The following MTUS2 variants were observed in gnomAD, a reference collection of about 807,000 sequenced individuals.
MTUS2 encodes the protein microtubule-associated tumor suppressor candidate 2.
A neutral mutation model predicts 114.1 loss-of-function variants in MTUS2; 40 were observed. That is an observed-to-expected ratio of 0.35 (90% CI 0.27 to 0.46). The LOEUF (loss-of-function observed/expected upper bound fraction) is 0.46, where lower values mean the gene tolerates loss of function less well. MTUS2 is among the 20% of genes least tolerant of loss of function. MTUS2 has a pLI of 1.00. For missense variants in MTUS2, 1,679 were observed against 1,705.4 expected (o/e 0.98, Z 0.27); for synonymous variants, 688 against 672.0 (o/e 1.02, Z -0.37).
chr13:29,446,136 A>T (rs1156255509), intron 9 of MTUS2, among the ~76,000 whole-genome samples: 1 of 152,298 alleles, frequency 6.6e-6, no homozygotes, highest in African/African-American at 2.4e-5. Context: ...AGGTAATCCT[A>T]CCACTCGAAA....
At chr13:29,093,685 A>T (rs950103725) in intron 4 of MTUS2, among the ~76,000 whole-genome samples, 1 of 152,202 alleles carries the variant, frequency 6.6e-6, no homozygotes, top group African/African-American at 2.4e-5. Context: ...TATATATAAG[A>T]TCATGTCATC....
intron 2 of MTUS2, among the ~76,000 whole-genome samples, chr13:28,937,469 C>T (rs1566236318): frequency 6.6e-6 from 1 of 152,140 alleles, no homozygotes; most frequent in Non-Finnish European, 1.5e-5. Flanking sequence ...AAGCTTTGTT[C>T]TTTCGCTTTT....
rs186243557 is a variant in MTUS2 at position 28,908,807 on chromosome 13, G to T, written c.-243+68957G>T. Reference sequence around the variant, plus strand: ...GGTATTGCCTAGGTTTTCTTCTAGGGTTTTTATGGTTTTAGGTCTAACATG... The same window carrying T: ...GGTATTGCCTAGGTTTTCTTCTAGGTTTTTTATGGTTTTAGGTCTAACATG... On this transcript the variant is annotated intron_variant, in intron 2 of 15. Coordinates refer to ENST00000612955, the MANE Select transcript of MTUS2 (RefSeq NM_001033602.4). Among the ~76,000 whole-genome samples the T allele has an allele frequency of 2.5e-3, 380 of 151,614 alleles. 14 individuals carry two copies. In the East Asian group the frequency reaches 0.069, roughly 28 times the overall value.
intron 1 of MTUS2, among the ~76,000 whole-genome samples, chr13:28,831,456 T>C (rs993443370): frequency 6.6e-6 from 1 of 152,140 alleles, no homozygotes; most frequent in Non-Finnish European, 1.5e-5. Context: ...TAGAATAAGA[T>C]ATAACCTGAA....
At chr13:29,046,552 T>C (rs1389023299) in intron 4 of MTUS2, among the ~76,000 whole-genome samples, 1 of 152,258 alleles carries the variant, frequency 6.6e-6, no homozygotes, top group Non-Finnish European at 1.5e-5. Context: ...TGTTCTCTTT[T>C]TGCCTGCATG....
intron 5 of MTUS2, among the ~76,000 whole-genome samples, chr13:29,223,981 G>A (rs1277061896): frequency 1.3e-5 from 2 of 152,234 alleles, no homozygotes; most frequent in East Asian, 3.8e-4. Context: ...CTGCCCTGCT[G>A]CAGCCACCAT....
intron 2 of MTUS2, among the ~76,000 whole-genome samples, chr13:28,998,966 C>CA (rs1178308459): frequency 6.6e-6 from 1 of 152,170 alleles, no homozygotes; most frequent in African/African-American, 2.4e-5. Flanking sequence ...GAGAGGCACT[C>CA]AGATTTTTAG....
rs188586138 is a variant in MTUS2 at position 28,843,968 on chromosome 13, A to G, written c.-243+4118A>G. ...GAGGAATTACAATGAGAATCCTGGA[A>G]AAGTTCCTGTGATACTCATATTATG... On this transcript the variant is annotated intron_variant, in intron 2 of 15. Coordinates refer to ENST00000612955, the MANE Select transcript of MTUS2 (RefSeq NM_001033602.4). Among the ~76,000 whole-genome samples, 238 of 152,372 alleles carry G rather than the reference A, an allele frequency of 1.6e-3. 3 individuals carry two copies. The highest frequency in any genetic ancestry group is 9.8e-4 in the Non-Finnish European group (67 of 68,026).
At chr13:29,265,859 T>C (rs1482601052) in intron 5 of MTUS2, among the ~76,000 whole-genome samples, 1 of 152,176 alleles carries the variant, frequency 6.6e-6, no homozygotes, top group Non-Finnish European at 1.5e-5. Context: ...ACCTCCACAC[T>C]GGGGATTACA....
chr13:29,158,642 C>T (rs1312670894), intron 5 of MTUS2, among the ~76,000 whole-genome samples: 1 of 152,100 alleles, frequency 6.6e-6, no homozygotes, highest in African/African-American at 2.4e-5. Context: ...TTGCTTCTAC[C>T]TCTGTGCTTA....
At chr13:29,059,923 G>A (rs1419287744) in intron 4 of MTUS2, among the ~76,000 whole-genome samples, 1 of 152,230 alleles carries the variant, frequency 6.6e-6, no homozygotes, top group East Asian at 1.9e-4. Flanking sequence ...GTGCCTGCCA[G>A]CTGAGTTTCC....
At chr13:29,357,059 A>G (rs1005120794) in intron 7 of MTUS2, among the ~76,000 whole-genome samples, 4 of 152,222 alleles carry the variant, frequency 2.6e-5, no homozygotes. Flanking sequence ...TGGAATTTTG[A>G]ATAGGTGAGT....
chr13:29,105,735 C>A (rs576546523), intron 5 of MTUS2, among the ~76,000 whole-genome samples: 46 of 149,996 alleles, frequency 3.1e-4, no homozygotes, highest in African/African-American at 1.0e-3. Context: ...GAGAGGCTGA[C>A]GTTCGCATAA....
chr13:29,246,682 A>G (rs553782459), intron 5 of MTUS2, among the ~76,000 whole-genome samples: 1 of 152,326 alleles, frequency 6.6e-6, no homozygotes, highest in African/African-American at 2.4e-5. Flanking sequence ...CAATGGAGTC[A>G]AGCAAAGGCA....
intron 2 of MTUS2, among the ~76,000 whole-genome samples, chr13:28,880,068 C>A (rs554718056): frequency 6.6e-6 from 1 of 152,274 alleles, no homozygotes; most frequent in South Asian, 2.1e-4. Flanking sequence ...CGTATCTTGT[C>A]AATTTTTGTT....
intron 8 of MTUS2, among the ~76,000 whole-genome samples, chr13:29,375,551 ATATATACGT>A (rs1871569142): frequency 3.8e-4 from 2 of 5,226 alleles, no homozygotes; most frequent in African/African-American, 3.5e-4. Context: ...GTATATATAT[ATATATACGT>A]ATATATATAT....
At chr13:28,946,325 G>A (rs938319527) in intron 2 of MTUS2, among the ~76,000 whole-genome samples, 1 of 152,012 alleles carries the variant, frequency 6.6e-6, no homozygotes, top group Non-Finnish European at 1.5e-5. Flanking sequence ...ATACCTGCGT[G>A]CAAGTGTGCA....
At chr13:28,850,512 G>A (rs1000883683) in intron 2 of MTUS2, among the ~76,000 whole-genome samples, 3 of 152,226 alleles carry the variant, frequency 2.0e-5, no homozygotes, top group Non-Finnish European at 4.4e-5. Context: ...TTGCAATATT[G>A]TGTAGAATTC....
At chr13:28,872,150 G>C (rs1877655255) in intron 2 of MTUS2, among the ~76,000 whole-genome samples, 1 of 152,192 alleles carries the variant, frequency 6.6e-6, no homozygotes, top group Non-Finnish European at 1.5e-5. Context: ...GAGGCTCCTG[G>C]AGAAGGAGTC....
Sources: allele counts gnomAD v4.1 joint callset (sites outside exome capture counted in the v4.1 genomes callset), GRCh38; gene constraint gnomAD v4.1.1; transcripts MANE v1.5; gene names NCBI Gene and HGNC (gene_info 2026-07-23, HGNC 2026-07-21).